ITPR2: variants seen among roughly 807,000 people sequenced by gnomAD.
The protein encoded by ITPR2 is inositol 1,4,5-trisphosphate receptor type 2.
A neutral mutation model predicts 317.1 loss-of-function variants in ITPR2; 207 were observed. The ratio of observed to expected loss-of-function variants is 0.65; its 90% CI spans 0.58 to 0.73. ITPR2 has a LOEUF of 0.73. Ranked by LOEUF, ITPR2 falls within the 30% of genes least tolerant of loss-of-function variation. ITPR2 has a pLI of 0.00. For missense variants in ITPR2, 2,613 were observed against 3,284.0 expected (o/e 0.80, Z 4.99); for synonymous variants, 1,156 against 1,149.1 (o/e 1.01, Z -0.12).
At chr12:26,500,765 T>C (rs1943054491) in intron 37 of ITPR2, among the ~76,000 whole-genome samples, 1 of 152,136 alleles carries the variant, frequency 6.6e-6, no homozygotes, top group Non-Finnish European at 1.5e-5. Flanking sequence ...TCAGAAATCA[T>C]TGCCTTTCAT....
At chr12:26,666,917 T>C (rs1276175687) in intron 13 of ITPR2, among the ~76,000 whole-genome samples, 1 of 152,166 alleles carries the variant, frequency 6.6e-6, no homozygotes, top group African/African-American at 2.4e-5. Flanking sequence ...TTCAAGCTAT[T>C]GCAAAAATGG....
chr12:26,516,761 T>C (rs1483964041), intron 37 of ITPR2, among the ~76,000 whole-genome samples: 1 of 151,868 alleles, frequency 6.6e-6, no homozygotes, highest in Non-Finnish European at 1.5e-5. Flanking sequence ...TGGAAATGAA[T>C]AAATAATTGG....
chr12:26,718,492 C>T (rs1948778965), intron 5 of ITPR2, among the ~76,000 whole-genome samples: 1 of 149,142 alleles, frequency 6.7e-6, no homozygotes, highest in Admixed American at 6.7e-5. Context: ...TTCAAAATAC[C>T]ACCCATAAAA....
At chr12:26,556,404 A>G (rs1416282760) in intron 35 of ITPR2, 29 bp from the exon 36 acceptor site, 4 of 1,597,574 alleles carry the variant, frequency 2.5e-6, no homozygotes, top group Non-Finnish European at 3.4e-6. Context: ...GAGAACCCAC[A>G]TGAAGGCGTA....
chr12:26,829,140 A>C (rs1951056917), intron 1 of ITPR2, among the ~76,000 whole-genome samples: 1 of 152,228 alleles, frequency 6.6e-6, no homozygotes, highest in Non-Finnish European at 1.5e-5. Flanking sequence ...CATTATTTGC[A>C]TATCCCACAT....
intron 55 of ITPR2, among the ~76,000 whole-genome samples, chr12:26,374,796 C>T (rs1939289626): frequency 6.6e-6 from 1 of 152,214 alleles, no homozygotes; most frequent in Non-Finnish European, 1.5e-5. Context: ...ATCAAAGTAG[C>T]TGACTCCACT....
At chr12:26,618,684 G>A (rs1253408037) in intron 26 of ITPR2, among the ~76,000 whole-genome samples, 2 of 152,188 alleles carry the variant, frequency 1.3e-5, no homozygotes, top group Non-Finnish European at 2.9e-5. Context: ...TGCACCAGGT[G>A]ACATACAACA....
chr12:26,627,904 C>T (rs1485814889), intron 23 of ITPR2, 129 bp downstream of exon 23: 5 of 812,154 alleles, frequency 6.2e-6, no homozygotes, highest in East Asian at 2.8e-5. Context: ...ACATGTATCC[C>T]AGAACTTAAA....
chr12:26,391,801 C>T (rs1300633918), intron 54 of ITPR2, among the ~76,000 whole-genome samples: 1 of 151,802 alleles, frequency 6.6e-6, no homozygotes, highest in African/African-American at 2.4e-5. Flanking sequence ...CTGACTTCAG[C>T]TTATATGCTC....
At chr12:26,458,730 T>C (rs1265196066) in intron 45 of ITPR2, among the ~76,000 whole-genome samples, 3 of 152,248 alleles carry the variant, frequency 2.0e-5, no homozygotes, top group Admixed American at 6.5e-5. Context: ...AGTTTGTTTA[T>C]TCCTTTTGGA....
chr12:26,543,057 T>A (rs539931760), intron 37 of ITPR2, among the ~76,000 whole-genome samples: 1 of 152,324 alleles, frequency 6.6e-6, no homozygotes, highest in African/African-American at 2.4e-5. Flanking sequence ...AGAAATAACT[T>A]GTAATGCTCT....
At chr12:26,590,001 A>T (rs1210500037) in intron 32 of ITPR2, among the ~76,000 whole-genome samples, 1 of 151,552 alleles carries the variant, frequency 6.6e-6, no homozygotes, top group Non-Finnish European at 1.5e-5. Flanking sequence ...AACTAGAGGG[A>T]TCTCAAAAGT....
intron 1 of ITPR2, among the ~76,000 whole-genome samples, chr12:26,824,988 T>C (rs955867673): frequency 1.1e-4 from 16 of 152,160 alleles, no homozygotes; most frequent in African/African-American, 3.1e-4. Context: ...TCCCAACACT[T>C]TGGGAAGCCA....
intron 5 of ITPR2, among the ~76,000 whole-genome samples, chr12:26,719,300 G>C (rs1948793717): frequency 6.6e-6 from 1 of 152,202 alleles, no homozygotes; most frequent in Non-Finnish European, 1.5e-5. Context: ...GGTGCTTTCT[G>C]AGAAGCTATG....
At chr12:26,613,694 C>A (rs570000231) in intron 26 of ITPR2, among the ~76,000 whole-genome samples, 1 of 152,006 alleles carries the variant, frequency 6.6e-6, no homozygotes, top group African/African-American at 2.4e-5. Context: ...CAATGATAAA[C>A]CAGGGAAAGA....
chr12:26,559,207 T>C (rs2137023658), intron 35 of ITPR2, among the ~76,000 whole-genome samples: 1 of 152,348 alleles, frequency 6.6e-6, no homozygotes, highest in Non-Finnish European at 1.5e-5. Flanking sequence ...TTTTAAAAAG[T>C]AAACCAGGTC....
chr12:26,556,190 C>G, intron 36 of ITPR2, 43 bp downstream of exon 36: 1 of 1,597,800 alleles, frequency 6.3e-7, no homozygotes, highest in South Asian at 1.1e-5. Flanking sequence ...GAGGCCATGT[C>G]AGTTTGACGA....
At chr12:26,368,903 T>G (rs1939098028) in intron 55 of ITPR2, among the ~76,000 whole-genome samples, 1 of 152,150 alleles carries the variant, frequency 6.6e-6, no homozygotes. Context: ...ATAGCTGTTT[T>G]GGGGAAATGA....
intron 1 of ITPR2, among the ~76,000 whole-genome samples, chr12:26,830,886 C>T (rs1168479218): frequency 6.6e-6 from 1 of 152,234 alleles, no homozygotes. Flanking sequence ...ATATTAATCT[C>T]TTCTTCCTCA....
Sources: gnomAD v4.1 joint callset for allele counts (sites outside exome capture counted in the v4.1 genomes callset) on GRCh38, gnomAD v4.1.1 for gene constraint, MANE v1.5 for transcripts, NCBI Gene and HGNC (gene_info 2026-07-23, HGNC 2026-07-21) for gene names.